The following PLAGL1 variants were observed in gnomAD, a reference collection of about 807,000 sequenced individuals.
PLAGL1 encodes PLAG1 like zinc finger 1, also known as zinc finger protein PLAGL1.
In PLAGL1, 1 loss-of-function variant was observed where a neutral mutation model predicts 4.6. The ratio of observed to expected loss-of-function variants is 0.22; its 90% CI spans 0.08 to 1.03. The LOEUF (loss-of-function observed/expected upper bound fraction) is 1.03, where lower values mean the gene tolerates loss of function less well. Ranked by LOEUF, PLAGL1 falls within the 50% of genes least tolerant of loss-of-function variation. The pLI, the probability that PLAGL1 is intolerant of heterozygous loss-of-function variation, is 0.58. For synonymous variants in PLAGL1, 240 were observed against 237.8 expected, an observed-to-expected ratio of 1.01 and a Z score of -0.08; for missense variants, 464 against 570.4, an observed-to-expected ratio of 0.81 and a Z score of 1.90.
intron 1 of PLAGL1, among the ~76,000 whole-genome samples, chr6:143,986,923 A>T (rs906867092): frequency 6.6e-6 from 1 of 152,160 alleles, no homozygotes; most frequent in Non-Finnish European, 1.5e-5. Context: ...CATTATTAGC[A>T]TGGTTTGGTG....
At position 144,008,178 on chromosome 6, in the gene PLAGL1, G is replaced by A. The variant is rs1443976758; in HGVS notation, c.-672C>T. 4 of 151,844 alleles carry A rather than the reference G, an allele frequency of 2.6e-5. No homozygotes were observed. The highest frequency in any genetic ancestry group is 9.7e-5 in the African/African-American group (4 of 41,380). 9.4% of individuals were successfully genotyped at this position (151,844 alleles called of 1,614,324 possible). On this transcript the variant is annotated 5_prime_UTR_variant, in exon 1 of 8. Coordinates refer to ENST00000674357, the MANE Select transcript of PLAGL1 (RefSeq NM_001317162.2). The surrounding 1 kb of genome is among the most constrained non-coding windows in gnomAD (Gnocchi z 6.9). ...TGACGGCGACCCGGGGAAGCGCCCC[G>A]CGCGCCAAGGCCCCGCGCTGCTGAG... is the stretch of plus-strand genomic sequence containing the variant.
rs139666077 is a variant in PLAGL1 at position 143,957,697 on chromosome 6, G to C, written c.-325+2772C>G. ...AAAGCATATTAGTTACATTGACCAT[G>C]GGATGCCTGGTTTGTGAGTGAAAAT... On this transcript the variant is annotated intron_variant, in intron 6 of 7. Transcript: ENST00000674357. The surrounding 1 kb of genome is among the most constrained non-coding windows in gnomAD (Gnocchi z 4.2). 4.5e-3 allele frequency among the ~76,000 whole-genome samples: 689 copies of C among 152,334 alleles called. 2 individuals are homozygous for C. The highest frequency in any genetic ancestry group is 7.3e-3 in the South Asian group (35 of 4,826).
intron 6 of PLAGL1, among the ~76,000 whole-genome samples, chr6:143,956,461 G>A (rs899307024): frequency 7.2e-5 from 11 of 152,162 alleles, no homozygotes; most frequent in Non-Finnish European, 1.3e-4. Context: ...TGAGCAAAAT[G>A]AGAATTAAGT....
chr6:143,950,151 C>T lies in PLAGL1; in HGVS notation c.-324-1691G>A, dbSNP rs1583103114. Among the ~76,000 whole-genome samples, 8 of 152,264 alleles carry T rather than the reference C, an allele frequency of 5.3e-5. No homozygotes were observed. The highest frequency in any genetic ancestry group is 3.4e-3 in the Middle Eastern group (1 of 294). On this transcript the variant is annotated intron_variant, in intron 6 of 7. Coordinates refer to ENST00000674357, the MANE Select transcript of PLAGL1 (RefSeq NM_001317162.2). This position sits in a 1 kb window ranked among gnomAD's most constrained non-coding sequence, Gnocchi z 6.3. ...AGCTGACTCGGGCACTTTTGGTCAG[C>T]GCTAATCCAAACCAGGGGACACACA...
rs1316462862 is a variant in PLAGL1, at chr6:144,056,874, T to A, written c.-151+7594A>T. Among the ~76,000 whole-genome samples the A allele has an allele frequency of 6.6e-6, 1 of 152,150 alleles. No homozygotes were observed. The highest frequency in any genetic ancestry group is 1.9e-4 in the East Asian group (1 of 5,196). ...TATGCTGCCCAGGTGTTGCCCAGGC[T>A]GCTCTCAAACTCCCAGGCTCAAGCA... On this transcript the variant is annotated intron_variant, in intron 1 of 3. Transcript: ENST00000437412. The surrounding 1 kb of genome is among the most constrained non-coding windows in gnomAD (Gnocchi z 4.7).
At chr6:144,042,920 T>C (rs946733025) in intron 1 of PLAGL1, among the ~76,000 whole-genome samples, 2 of 152,224 alleles carry the variant, frequency 1.3e-5, no homozygotes, top group African/African-American at 4.8e-5. Flanking sequence ...CCAGGTATTT[T>C]ATTCTTTTTG....
Position 143,941,600 on chromosome 6 carries a change from C to T in PLAGL1, c.1216G>A (p.Gly406Arg), listed in dbSNP as rs1562362164. The stretch of plus-strand genomic sequence containing the variant: ...CTGTGGGGCAAAGATTCCCCAGGCC[C>T]CAGGGCAAGAGTGCTATTCCCAAAG... ...NTFGNSTLAL[G>R]PGESLPHRLS... Residue 406 changes from glycine (G) to arginine (R), a missense_variant, in exon 8 of 8, where the codon GGG becomes AGG. Gly to Arg is a moderately radical substitution (Grantham distance 125, BLOSUM62 -2). Around this residue, in one of 4 missense-constraint regions of PLAGL1, gnomAD observed 248 missense variants for 250.1 expected, o/e 0.99. Coordinates refer to ENST00000674357, the MANE Select transcript of PLAGL1 (RefSeq NM_001317162.2). This position sits in a 1 kb window ranked among gnomAD's most constrained non-coding sequence, Gnocchi z 6.0. 1.2e-6 allele frequency: 2 copies of T among 1,612,340 alleles called. No homozygotes were observed. Among genetic ancestry groups the T allele is most frequent in the South Asian group, 1.1e-5 (1 of 90,968 alleles).
chr6:144,027,238 AGAAAG>A lies in PLAGL1; in HGVS notation c.-151+37225_-151+37229del, dbSNP rs1399039200. Among the ~76,000 whole-genome samples the A allele has an allele frequency of 1.5e-5, 1 of 65,378 alleles. No homozygotes were observed. Among genetic ancestry groups the A allele is most frequent in the African/African-American group, 4.5e-5 (1 of 22,322 alleles). 42.9% of individuals were successfully genotyped at this position (65,378 alleles called of 152,430 possible). On this transcript the variant is annotated intron_variant, in intron 1 of 3. Coordinates refer to the PLAGL1 transcript ENST00000437412. This position sits in a 1 kb window ranked among gnomAD's most constrained non-coding sequence, Gnocchi z 5.8. The stretch of plus-strand genomic sequence containing the variant: ...GACCCCAACTCAAAGAACGAACGAA[AGAAAG>A]AAAGAAAGAAAGAAAGAAAGAAAGA...
In PLAGL1 at chr6:143,997,806, G is replaced by A. The variant is rs1317438519; in HGVS notation, c.-584+10284C>T. Among the ~76,000 whole-genome samples, 3 of 152,118 alleles carry A rather than the reference G, an allele frequency of 2.0e-5. No individual in the cohort carries two copies. The highest frequency in any genetic ancestry group is 2.1e-4 in the South Asian group (1 of 4,824). On this transcript the variant is annotated intron_variant, in intron 1 of 7. Transcript: ENST00000674357. The surrounding 1 kb of genome is among the most constrained non-coding windows in gnomAD (Gnocchi z 4.6). ...AGGTAAATGAGAGAATTTTATCCTC[G>A]ATGGATGTAATATTGTCTAGCTTGC...
At chr6:143,987,988 T>C (rs1262853370) in intron 1 of PLAGL1, among the ~76,000 whole-genome samples, 2 of 152,242 alleles carry the variant, frequency 1.3e-5, no homozygotes, top group Non-Finnish European at 2.9e-5. Context: ...TCTAAAAGCA[T>C]ATTGTTTATT....
rs372847294 is a variant in PLAGL1 at position 143,972,708 on chromosome 6, A to C, written c.-543-3730T>G. ...AAGATGTTTTAAAATATAATGAATG[A>C]AAGATGGATTTTAGAGAGTTTCATA... is the stretch of plus-strand genomic sequence containing the variant. On this transcript the variant is annotated intron_variant, in intron 2 of 7. Coordinates refer to ENST00000674357, the MANE Select transcript of PLAGL1 (RefSeq NM_001317162.2). The surrounding 1 kb of genome is among the most constrained non-coding windows in gnomAD (Gnocchi z 6.8). 6.6e-6 allele frequency among the ~76,000 whole-genome samples: 1 copy of C among 152,198 alleles called. No homozygotes were observed. Among genetic ancestry groups the C allele is most frequent in the African/African-American group, 2.4e-5 (1 of 41,450 alleles).
intron 1 of PLAGL1, among the ~76,000 whole-genome samples, chr6:143,987,321 C>T (rs1374508097): frequency 6.6e-6 from 1 of 151,768 alleles, no homozygotes; most frequent in African/African-American, 2.4e-5. Flanking sequence ...CCTCCCACCT[C>T]AGCCTCCGAA....
rs901218834 is a variant in PLAGL1, at chr6:144,050,487, T to C, written c.-151+13981A>G. ...GAGAGAAAGATTCTTCTACACTCTTTTAAGGCTGTCTCTTCTCTATGTTTA... is the reference window on the plus strand; with the variant it reads ...GAGAGAAAGATTCTTCTACACTCTTCTAAGGCTGTCTCTTCTCTATGTTTA... On this transcript the variant is annotated intron_variant, in intron 1 of 3. Transcript: ENST00000437412. The surrounding 1 kb of genome is among the most constrained non-coding windows in gnomAD (Gnocchi z 4.3). 5.3e-5 allele frequency among the ~76,000 whole-genome samples: 8 copies of C among 152,234 alleles called. No homozygotes were observed. The highest frequency in any genetic ancestry group is 1.9e-4 in the African/African-American group (8 of 41,456).
rs1173513156 is a variant in PLAGL1 at position 143,955,282 on chromosome 6, A to G, written c.-325+5187T>C. The stretch of plus-strand genomic sequence containing the variant: ...ATTTCAGGCCAAGGGAATGAATCCA[A>G]CCACCTGGAGAATAAGTGGTTCAGT... On this transcript the variant is annotated intron_variant, in intron 6 of 7. Coordinates refer to ENST00000674357, the MANE Select transcript of PLAGL1 (RefSeq NM_001317162.2). This position sits in a 1 kb window ranked among gnomAD's most constrained non-coding sequence, Gnocchi z 4.9. Among the ~76,000 whole-genome samples the G allele has an allele frequency of 6.6e-6, 1 of 152,192 alleles. No homozygotes were observed. Among genetic ancestry groups the G allele is most frequent in the Non-Finnish European group, 1.5e-5 (1 of 68,042 alleles).
chr6:143,999,585 C>T (rs1792391198), intron 1 of PLAGL1, among the ~76,000 whole-genome samples: 1 of 152,154 alleles, frequency 6.6e-6, no homozygotes, highest in Non-Finnish European at 1.5e-5. Context: ...TAAATCGCTC[C>T]AGAAAGTTGG....
At position 143,971,771 on chromosome 6, in the gene PLAGL1, T is replaced by C. The variant is rs1217681655; in HGVS notation, c.-543-2793A>G. 2.0e-5 allele frequency among the ~76,000 whole-genome samples: 3 copies of C among 152,250 alleles called. No individual in the cohort carries two copies. Among genetic ancestry groups the C allele is most frequent in the Non-Finnish European group, 2.9e-5 (2 of 68,042 alleles). On this transcript the variant is annotated intron_variant, in intron 2 of 7. Coordinates refer to ENST00000674357, the MANE Select transcript of PLAGL1 (RefSeq NM_001317162.2). The surrounding 1 kb of genome is among the most constrained non-coding windows in gnomAD (Gnocchi z 4.7). ...TTTGCTATTATTTAACATTACATCA[T>C]AGAATTAAATCATGTAAAATGGCAG... is the stretch of plus-strand genomic sequence containing the variant.
Position 144,048,403 on chromosome 6 carries a change from G to T in PLAGL1, c.-151+16065C>A, listed in dbSNP as rs1360624124. On this transcript the variant is annotated intron_variant, in intron 1 of 3. Transcript: ENST00000437412. This position sits in a 1 kb window ranked among gnomAD's most constrained non-coding sequence, Gnocchi z 4.8. ...TTCCTCCTGGACTACGCTAGCAGAG[G>T]TTCTCCATGAGAGCTCCACCCCTGC... Among the ~76,000 whole-genome samples, 2 of 152,324 alleles carry T rather than the reference G, an allele frequency of 1.3e-5. No individual in the cohort carries two copies. Among genetic ancestry groups the T allele is most frequent in the African/African-American group, 4.8e-5 (2 of 41,594 alleles).
Position 143,979,333 on chromosome 6 carries a change from T to C in PLAGL1, c.-544+5802A>G, listed in dbSNP as rs1030014227. 7.4e-6 allele frequency among the ~76,000 whole-genome samples: 1 copy of C among 135,466 alleles called. No individual in the cohort carries two copies. The highest frequency in any genetic ancestry group is 2.2e-4 in the South Asian group (1 of 4,584). 88.9% of individuals were successfully genotyped at this position (135,466 alleles called of 152,430 possible). On this transcript the variant is annotated intron_variant, in intron 2 of 7. Coordinates refer to ENST00000674357, the MANE Select transcript of PLAGL1 (RefSeq NM_001317162.2). The surrounding 1 kb of genome is among the most constrained non-coding windows in gnomAD (Gnocchi z 4.6). ...TTCTTTGCCTTTTAATTATGACAGT[T>C]AGACCATTTATGCTTAACATGCTTA...
At chr6:144,011,078 T>C (rs1380205395), upstream of PLAGL1, among the ~76,000 whole-genome samples, 1 of 152,112 alleles carries the variant, frequency 6.6e-6, no homozygotes, top group Non-Finnish European at 1.5e-5. The surrounding 1 kb of genome is among the most constrained non-coding windows in gnomAD (Gnocchi z 4.3). Flanking sequence ...CCAAAAGCAA[T>C]GGCAACAAAA....
Sources: allele counts gnomAD v4.1 joint callset (sites outside exome capture counted in the v4.1 genomes callset), GRCh38; gene constraint gnomAD v4.1.1; regional missense constraint gnomAD v4.1.1; non-coding constraint Gnocchi (gnomAD v3.1); transcripts MANE v1.5; gene names NCBI Gene and HGNC (gene_info 2026-07-23, HGNC 2026-07-21).